The following PTPRD variants were observed in gnomAD, a reference collection of about 807,000 sequenced individuals.
PTPRD encodes protein tyrosine phosphatase receptor type D.
Under a neutral mutation model 214.5 loss-of-function variants are expected in PTPRD, and 34 were observed. That is an observed-to-expected ratio of 0.16 (90% CI 0.12 to 0.21). The LOEUF (loss-of-function observed/expected upper bound fraction) is 0.21. Ranked by LOEUF, PTPRD falls within the 10% of genes least tolerant of loss-of-function variation. The pLI is 1.00. For synonymous variants in PTPRD, 1,128 were observed against 845.7 expected, an observed-to-expected ratio of 1.33 and a Z score of -5.79; for missense variants, 2,545 against 2,398.7, an observed-to-expected ratio of 1.06 and a Z score of -1.27.
chr9:10,025,890 G>T (rs1246472533), intron 4 of PTPRD, among the ~76,000 whole-genome samples: 1 of 152,146 alleles, frequency 6.6e-6, no homozygotes, highest in Non-Finnish European at 1.5e-5. Context: ...CACCACTTGA[G>T]AAATATAAAG....
At chr9:10,135,262 T>G (rs1237994709) in intron 3 of PTPRD, among the ~76,000 whole-genome samples, 1 of 152,068 alleles carries the variant, frequency 6.6e-6, no homozygotes, top group Non-Finnish European at 1.5e-5. Flanking sequence ...ACTGGCATTC[T>G]TGAGAGAGTA....
chr9:9,982,697 G>A (rs897348042), intron 4 of PTPRD, among the ~76,000 whole-genome samples: 2 of 152,002 alleles, frequency 1.3e-5, no homozygotes, highest in South Asian at 2.1e-4. Context: ...ATTAGTTTTT[G>A]TTTTGTATTT....
At chr9:9,978,984 C>A (rs2095452125) in intron 4 of PTPRD, among the ~76,000 whole-genome samples, 1 of 152,070 alleles carries the variant, frequency 6.6e-6, no homozygotes, top group Non-Finnish European at 1.5e-5. Context: ...TCAGTCACAT[C>A]TTTCAAGTAC....
chr9:8,686,558 C>T (rs573897362), intron 12 of PTPRD, among the ~76,000 whole-genome samples: 1 of 152,246 alleles, frequency 6.6e-6, no homozygotes, highest in Admixed American at 6.5e-5. Flanking sequence ...TAGGTAATAG[C>T]TCCATTTTAG....
At chr9:9,827,312 T>C (rs1019156582) in intron 5 of PTPRD, among the ~76,000 whole-genome samples, 2 of 152,040 alleles carry the variant, frequency 1.3e-5, no homozygotes, top group Non-Finnish European at 2.9e-5. Context: ...AACAGAGATA[T>C]AGACCAATGG....
intron 4 of PTPRD, among the ~76,000 whole-genome samples, chr9:9,968,561 A>G (rs2094869066): frequency 6.6e-6 from 1 of 152,180 alleles, no homozygotes. Flanking sequence ...TTGGGAGAGA[A>G]GCAGAGAGCA....
intron 11 of PTPRD, among the ~76,000 whole-genome samples, chr9:8,738,743 G>C (rs2091134183): frequency 6.6e-6 from 1 of 150,572 alleles, no homozygotes; most frequent in Non-Finnish European, 1.5e-5. Context: ...CTGAAAACGG[G>C]AACAGAAAAG....
Position 10,125,442 on chromosome 9 carries a change from T to G in PTPRD, c.-544-91652A>C, listed in dbSNP as rs865906197. ...TTTTATTTTATTATTATTATTATTA[T>G]TATTATTATTATTATTATTATTATT... is the stretch of plus-strand genomic sequence containing the variant. On this transcript the variant is annotated intron_variant, in intron 3 of 45. Transcript: ENST00000381196. Among the ~76,000 whole-genome samples the G allele has an allele frequency of 4.2e-3, 390 of 93,752 alleles. 1 individual carries two copies. Among genetic ancestry groups the G allele is most frequent in the African/African-American group, 0.016 (372 of 23,614 alleles). The allele number at this position is 93,752 out of a possible 152,430, so 61.5% of individuals were successfully genotyped here.
chr9:8,566,100 A>G (rs866979947), intron 14 of PTPRD, among the ~76,000 whole-genome samples: 163 of 137,922 alleles, frequency 1.2e-3, no homozygotes, highest in Middle Eastern at 0.012. Flanking sequence ...AATGCAAAAT[A>G]TGTGTGTGTG....
intron 2 of PTPRD, among the ~76,000 whole-genome samples, chr9:10,587,006 G>T (rs1456014595): frequency 2.0e-5 from 3 of 151,934 alleles, no homozygotes; most frequent in Non-Finnish European, 4.4e-5. Flanking sequence ...TCACCATCAA[G>T]ATCCTAGAAA....
At chr9:8,994,532 G>A (rs1226994689) in intron 11 of PTPRD, among the ~76,000 whole-genome samples, 1 of 152,042 alleles carries the variant, frequency 6.6e-6, no homozygotes, top group African/African-American at 2.4e-5. Flanking sequence ...TTGAGAATAT[G>A]AAATAATTAA....
intron 5 of PTPRD, among the ~76,000 whole-genome samples, chr9:9,922,607 C>A (rs1045080480): frequency 6.6e-6 from 1 of 151,712 alleles, no homozygotes; most frequent in Non-Finnish European, 1.5e-5. Context: ...TACACATAAC[C>A]AATGTTGGAG....
At chr9:10,278,297 G>C (rs1277583597) in intron 3 of PTPRD, among the ~76,000 whole-genome samples, 1 of 152,152 alleles carries the variant, frequency 6.6e-6, no homozygotes. Flanking sequence ...CATTAGTATA[G>C]GGTAGACATA....
chr9:9,679,677 C>G (rs891674876), intron 7 of PTPRD, among the ~76,000 whole-genome samples: 45 of 151,796 alleles, frequency 3.0e-4, no homozygotes, highest in African/African-American at 1.1e-3. Flanking sequence ...CCTAGATTCT[C>G]CAACTTGTTA....
At chr9:8,656,095 AT>A (rs944218548) in intron 12 of PTPRD, among the ~76,000 whole-genome samples, 1 of 152,120 alleles carries the variant, frequency 6.6e-6, no homozygotes, top group Admixed American at 6.5e-5. Flanking sequence ...ATTTTTTAAC[AT>A]TTTTATTTCA....
Position 10,261,752 on chromosome 9 carries a change from T to G in PTPRD, c.-545+79211A>C, listed in dbSNP as rs143137773. Among the ~76,000 whole-genome samples, 489 of 152,262 alleles carry G rather than the reference T, an allele frequency of 3.2e-3. 11 individuals are homozygous for G. The highest frequency in any genetic ancestry group is 0.025 in the Admixed American group (386 of 15,294). On this transcript the variant is annotated intron_variant, in intron 3 of 45. Coordinates refer to ENST00000381196, the MANE Select transcript of PTPRD (RefSeq NM_002839.4). ...AAACGAATGGAATCATTCCTTGAAC[T>G]CAGCTCTCTTATAAAAAGTGATAAT... is the stretch of plus-strand genomic sequence containing the variant.
At chr9:10,138,416 A>AAAAC (rs552966698) in intron 3 of PTPRD, among the ~76,000 whole-genome samples, 2,987 of 152,096 alleles carry the variant, frequency 0.02, 45 homozygotes, top group African/African-American at 0.047. Context: ...ACAACAAAAC[A>AAAAC]AAACAAACAA....
intron 3 of PTPRD, among the ~76,000 whole-genome samples, chr9:10,339,102 A>G (rs914384568): frequency 6.6e-6 from 1 of 151,708 alleles, no homozygotes; most frequent in Non-Finnish European, 1.5e-5. Context: ...TAGTGGATAC[A>G]TGTAAGTCCT....
intron 7 of PTPRD, among the ~76,000 whole-genome samples, chr9:9,680,996 G>A (rs944900528): frequency 4.0e-5 from 6 of 151,626 alleles, no homozygotes; most frequent in African/African-American, 1.5e-4. Context: ...TTTAATATGG[G>A]ACTTGGTAAA....
Sources: gnomAD v4.1 joint callset for allele counts (sites outside exome capture counted in the v4.1 genomes callset) on GRCh38, gnomAD v4.1.1 for gene constraint, MANE v1.5 for transcripts, NCBI Gene and HGNC (gene_info 2026-07-23, HGNC 2026-07-21) for gene names.